PCDHGB4: variants seen among roughly 807,000 people sequenced by gnomAD.
PCDHGB4 encodes protocadherin gamma subfamily B, 4, also known as protocadherin gamma-B4.
In PCDHGB4, 38 loss-of-function variants were observed where a neutral mutation model predicts 60.5. The ratio of observed to expected loss-of-function variants is 0.63; its 90% CI spans 0.48 to 0.82. The LOEUF (loss-of-function observed/expected upper bound fraction) is 0.82. Ranked by LOEUF, PCDHGB4 falls within the 40% of genes least tolerant of loss-of-function variation. The pLI is 0.00. For missense variants in PCDHGB4, 1,109 were observed against 1,209.6 expected (o/e 0.92, Z 1.23); for synonymous variants, 456 against 509.7 (o/e 0.89, Z 1.42).
rs1254986724 is a variant in PCDHGB4, at chr5:141,490,928, C to G, written c.2398-3879C>G. ...CTAGACGAGAATGATAATGCCCCAGCTGTGCTGCACCCACGGCCAGACTGG... is the reference window on the plus strand; with the variant it reads ...CTAGACGAGAATGATAATGCCCCAGGTGTGCTGCACCCACGGCCAGACTGG... On this transcript the variant is annotated intron_variant, in intron 1 of 3. Transcript: ENST00000519479. The surrounding 1 kb of genome is among the most constrained non-coding windows in gnomAD (Gnocchi z 5.4). 2 of 1,613,466 alleles carry G rather than the reference C, an allele frequency of 1.2e-6. No homozygotes were observed. Among genetic ancestry groups the G allele is most frequent in the Non-Finnish European group, 1.7e-6 (2 of 1,179,624 alleles).
At chr5:141,459,910 A>G (rs2098977946) in intron 1 of PCDHGB4, among the ~76,000 whole-genome samples, 2 of 152,042 alleles carry the variant, frequency 1.3e-5, no homozygotes, top group Non-Finnish European at 1.5e-5. Context: ...GAGCTATGGG[A>G]GTTTTAAAAT....
intron 1 of PCDHGB4, chr5:141,417,894 G>A (rs751319373): frequency 1.3e-5 from 21 of 1,573,688 alleles, no homozygotes; most frequent in African/African-American, 2.7e-5. Context: ...CGCCGGGCCG[G>A]CCCGCGGCAG....
intron 1 of PCDHGB4, chr5:141,414,274 G>C: frequency 1.9e-6 from 3 of 1,613,368 alleles, no homozygotes; most frequent in Non-Finnish European, 2.5e-6. Flanking sequence ...TTCACCTCTG[G>C]GAACAGTCGT....
Position 141,431,920 on chromosome 5 carries a change from A to C in PCDHGB4, c.2397+41639A>C. On this transcript the variant is annotated intron_variant, in intron 1 of 3. Transcript: ENST00000519479. The surrounding 1 kb of genome is among the most constrained non-coding windows in gnomAD (Gnocchi z 4.8). ...ACGGACAGGTGATCTGTTTCATCCA[A>C]GGAAATCTGCCCTTTAAATTAGAAA... 1 of 1,614,164 alleles carries C rather than the reference A, an allele frequency of 6.2e-7. No individual in the cohort carries two copies. Among genetic ancestry groups the C allele is most frequent in the Non-Finnish European group, 8.5e-7 (1 of 1,179,976 alleles).
chr5:141,402,944 G>A (rs1487270083), intron 1 of PCDHGB4: 2 of 1,592,136 alleles, frequency 1.3e-6, no homozygotes, highest in Non-Finnish European at 1.7e-6. Context: ...ATTCCAAAGC[G>A]AGGCAGCAAT....
At chr5:141,430,948 A>C (rs753305931) in intron 1 of PCDHGB4, 47 of 1,609,938 alleles carry the variant, frequency 2.9e-5, no homozygotes, top group Non-Finnish European at 4.0e-5. Context: ...CGGAGCGCGG[A>C]GTCCGCATCA....
Position 141,395,019 on chromosome 5 carries a change from C to G in PCDHGB4, c.2397+4738C>G, listed in dbSNP as rs374672662. On this transcript the variant is annotated intron_variant, in intron 1 of 3. Transcript: ENST00000519479. ...TTCCGGTGGCAGATTGGTAGGCGTG[C>G]CTGCCTCACATTTTGTGGGTGTTGA... The G allele has an allele frequency of 3.7e-6, 6 of 1,613,986 alleles. No homozygotes were observed. Among genetic ancestry groups the G allele is most frequent in the Non-Finnish European group, 5.1e-6 (6 of 1,180,016 alleles).
intron 1 of PCDHGB4, chr5:141,478,144 G>A (rs2099432883): frequency 6.2e-7 from 1 of 1,613,918 alleles, no homozygotes; most frequent in Non-Finnish European, 8.5e-7. Flanking sequence ...CCCGAGCCGA[G>A]TTCCCCTCTG....
intron 2 of PCDHGB4, among the ~76,000 whole-genome samples, chr5:141,503,800 C>T (rs756250566): frequency 1.3e-5 from 2 of 151,994 alleles, no homozygotes; most frequent in South Asian, 2.1e-4. Flanking sequence ...TACTTAGGGA[C>T]GGGGAATCCC....
At chr5:141,496,693 C>T (rs2099770546) in intron 2 of PCDHGB4, among the ~76,000 whole-genome samples, 1 of 152,164 alleles carries the variant, frequency 6.6e-6, no homozygotes, top group South Asian at 2.1e-4. Context: ...CCTTGCCAAC[C>T]TTCTCATAAG....
At position 141,389,998 on chromosome 5, in the gene PCDHGB4, T is replaced by C. The variant is rs755639909; in HGVS notation, c.2114T>C (p.Met705Thr). 6.2e-7 allele frequency: 1 copy of C among 1,614,046 alleles called. No homozygotes were observed. Among genetic ancestry groups the C allele is most frequent in the East Asian group, 2.2e-5 (1 of 44,874 alleles). Residue 705 changes from methionine to threonine, a missense_variant, in exon 1 of 4, where the codon ATG becomes ACG. Coordinates refer to ENST00000519479, the MANE Select transcript of PCDHGB4 (RefSeq NM_003736.4). ...ALISVLFLVA[M>T]ILAIALRLRR... ...ATCTCAGTGCTCTTCCTCGTGGCCA[T>C]GATTCTGGCCATTGCCTTGCGCCTG...
Position 141,491,963 on chromosome 5 carries a change from C to A in PCDHGB4, c.2398-2844C>A. ...CCCCCACCCCTACACTCAAAAAAGG[C>A]CGGGGCCTCCTTCGAGCTTCCGGTG... On this transcript the variant is annotated intron_variant, in intron 1 of 3. Coordinates refer to ENST00000519479, the MANE Select transcript of PCDHGB4 (RefSeq NM_003736.4). This position sits in a 1 kb window ranked among gnomAD's most constrained non-coding sequence, Gnocchi z 6.9. 2 of 944,828 alleles carry A rather than the reference C, an allele frequency of 2.1e-6. No homozygotes were observed. Among genetic ancestry groups the A allele is most frequent in the Non-Finnish European group, 3.0e-6 (2 of 670,874 alleles). 58.5% of individuals were successfully genotyped at this position (944,828 alleles called of 1,614,324 possible).
Position 141,423,666 on chromosome 5 carries a change from AT to A in PCDHGB4, c.2397+33388del, listed in dbSNP as rs1184681047. 2.7e-6 allele frequency: 4 copies of A among 1,494,382 alleles called. No individual in the cohort carries two copies. The South Asian group carries it at 5.0e-5, about 19-fold the overall frequency. The allele number at this position is 1,494,382 out of a possible 1,614,324, so 92.6% of individuals were successfully genotyped here. A position where few individuals can be genotyped will look rare whatever the true frequency, so the allele number is the denominator to read the frequency against. ...GTGACCCGACAAGTAATCAGGTGAGATTTATTTCTCTGCCTCCTAATTGTTG... is the reference window on the plus strand; with the variant it reads ...GTGACCCGACAAGTAATCAGGTGAGATTATTTCTCTGCCTCCTAATTGTTG... On this transcript the variant is annotated intron_variant, in intron 1 of 3. Coordinates refer to ENST00000519479, the MANE Select transcript of PCDHGB4 (RefSeq NM_003736.4).
At position 141,511,238 on chromosome 5, in the gene PCDHGB4, G is replaced by A; in HGVS notation, c.*65G>A. ...CAACCAGCCCAGCTTCTCCTTACCT[G>A]CACCCAGGCCTCAGAGTTTCAGGGC... On this transcript the variant is annotated 3_prime_UTR_variant, in exon 4 of 4. Coordinates refer to ENST00000519479, the MANE Select transcript of PCDHGB4 (RefSeq NM_003736.4). 6.3e-7 allele frequency: 1 copy of A among 1,589,142 alleles called. No homozygotes were observed. The highest frequency in any genetic ancestry group is 2.3e-5 in the East Asian group (1 of 43,302).
chr5:141,476,453 G>C lies in PCDHGB4; in HGVS notation c.2398-18354G>C. On this transcript the variant is annotated intron_variant, in intron 1 of 3. Coordinates refer to ENST00000519479, the MANE Select transcript of PCDHGB4 (RefSeq NM_003736.4). This position sits in a 1 kb window ranked among gnomAD's most constrained non-coding sequence, Gnocchi z 7.6. The stretch of plus-strand genomic sequence containing the variant: ...CACTGTAACTCTGGAGTTGGTAGTG[G>C]AGAACCCGCTGGAGCTGTTCAGCGT... 2 of 1,614,138 alleles carry C rather than the reference G, an allele frequency of 1.2e-6. No homozygotes were observed. Among genetic ancestry groups the C allele is most frequent in the Non-Finnish European group, 1.7e-6 (2 of 1,180,022 alleles).
intron 1 of PCDHGB4, chr5:141,395,196 G>A (rs1431851304): frequency 5.0e-6 from 8 of 1,613,948 alleles, no homozygotes; most frequent in Admixed American, 1.7e-5. Flanking sequence ...GTTAACATCC[G>A]TAGATTTTCA....
At chr5:141,495,697 A>G (rs1010733016) in intron 2 of PCDHGB4, among the ~76,000 whole-genome samples, 1 of 152,086 alleles carries the variant, frequency 6.6e-6, no homozygotes, top group Non-Finnish European at 1.5e-5. Flanking sequence ...AGTGCTCAAT[A>G]AATGTGGAGT....
intron 1 of PCDHGB4, among the ~76,000 whole-genome samples, chr5:141,452,745 GGAA>G (rs2098748194): frequency 6.6e-6 from 1 of 152,054 alleles, no homozygotes; most frequent in Non-Finnish European, 1.5e-5. Flanking sequence ...AGAGAGAGAA[GGAA>G]GAAGGAAGGG....
chr5:141,490,896 G>C lies in PCDHGB4; in HGVS notation c.2398-3911G>C. The stretch of plus-strand genomic sequence containing the variant: ...TGCATGCCAACACATCTCTGCATGT[G>C]TTTGTCCTAGACGAGAATGATAATG... On this transcript the variant is annotated intron_variant, in intron 1 of 3. Coordinates refer to ENST00000519479, the MANE Select transcript of PCDHGB4 (RefSeq NM_003736.4). This position sits in a 1 kb window ranked among gnomAD's most constrained non-coding sequence, Gnocchi z 5.4. 2.5e-6 allele frequency: 4 copies of C among 1,613,938 alleles called. No homozygotes were observed. The highest frequency in any genetic ancestry group is 3.4e-6 in the Non-Finnish European group (4 of 1,179,922).
Sources: gnomAD v4.1 joint callset for allele counts (sites outside exome capture counted in the v4.1 genomes callset) on GRCh38, gnomAD v4.1.1 for gene constraint, Gnocchi (gnomAD v3.1) non-coding constraint, MANE v1.5 for transcripts, NCBI Gene and HGNC (gene_info 2026-07-23, HGNC 2026-07-21) for gene names.